Variants in FILIP1L observed in about 807,000 individuals in gnomAD.
The protein encoded by FILIP1L is filamin A interacting protein 1 like.
In FILIP1L, 55 loss-of-function variants were observed where a neutral mutation model predicts 96.6. The ratio of observed to expected loss-of-function variants is 0.57; its 90% CI spans 0.46 to 0.71. The LOEUF (loss-of-function observed/expected upper bound fraction) is 0.71, where lower values mean the gene tolerates loss of function less well. Ranked by LOEUF, FILIP1L falls within the 30% of genes least tolerant of loss-of-function variation. The pLI, the probability that FILIP1L is intolerant of heterozygous loss-of-function variation, is 0.00. For missense variants in FILIP1L, 1,304 were observed against 1,321.2 expected (o/e 0.99, Z 0.20); for synonymous variants, 467 against 473.9 (o/e 0.99, Z 0.19).
At chr3:99,895,144 T>C (rs1302338965) in intron 4 of FILIP1L, among the ~76,000 whole-genome samples, 2 of 152,060 alleles carry the variant, frequency 1.3e-5, no homozygotes, top group Non-Finnish European at 2.9e-5. Context: ...ACTCAGGTGT[T>C]CATAACCCAG....
intron 1 of FILIP1L, among the ~76,000 whole-genome samples, chr3:99,933,786 C>T (rs946536880): frequency 1.3e-5 from 2 of 152,148 alleles, no homozygotes; most frequent in African/African-American, 2.4e-5. Context: ...TCTCACATGG[C>T]GTATCTGACC....
At chr3:100,039,306 T>A (rs1013825562) in intron 1 of FILIP1L, among the ~76,000 whole-genome samples, 1 of 152,164 alleles carries the variant, frequency 6.6e-6, no homozygotes, top group East Asian at 1.9e-4. Context: ...TAGTACAGCC[T>A]ATGAAGTACA....
chr3:100,013,161 G>A (rs368850249), intron 1 of FILIP1L, among the ~76,000 whole-genome samples: 1 of 152,016 alleles, frequency 6.6e-6, no homozygotes, highest in East Asian at 1.9e-4. Flanking sequence ...GTTGGCATGA[G>A]CTACCATGCC....
intron 1 of FILIP1L, among the ~76,000 whole-genome samples, chr3:100,099,865 T>TAAC (rs1343553921): frequency 6.6e-6 from 1 of 152,068 alleles, no homozygotes; most frequent in African/African-American, 2.4e-5. Context: ...ATTCCAGGTG[T>TAAC]GGTTATGGAA....
chr3:99,918,544 C>T (rs1479065735), intron 4 of FILIP1L, among the ~76,000 whole-genome samples: 2 of 152,142 alleles, frequency 1.3e-5, no homozygotes, highest in African/African-American at 4.8e-5. Flanking sequence ...GAAAAGCAAT[C>T]AGGTAGCATT....
chr3:100,090,502 C>T (rs530963230), intron 1 of FILIP1L, among the ~76,000 whole-genome samples: 10 of 152,264 alleles, frequency 6.6e-5, no homozygotes, highest in South Asian at 4.1e-4. Context: ...CAAAACCAGG[C>T]GACAGAGATG....
intron 1 of FILIP1L, among the ~76,000 whole-genome samples, chr3:100,049,197 C>G (rs912030239): frequency 6.6e-6 from 1 of 152,186 alleles, no homozygotes; most frequent in Non-Finnish European, 1.5e-5. Flanking sequence ...CATATCTTCT[C>G]TACATTATAG....
intron 1 of FILIP1L, among the ~76,000 whole-genome samples, chr3:100,022,485 T>C (rs1452826277): frequency 6.6e-6 from 1 of 152,238 alleles, no homozygotes; most frequent in Non-Finnish European, 1.5e-5. Flanking sequence ...GAAACAGCAT[T>C]GAGCATGATT....
chr3:100,061,991 CTT>C (rs1331523261), intron 1 of FILIP1L, among the ~76,000 whole-genome samples: 1 of 149,832 alleles, frequency 6.7e-6, no homozygotes, highest in Non-Finnish European at 1.5e-5. Context: ...TCTCCACAAA[CTT>C]TTTCATCTTC....
chr3:100,018,735 CA>C (rs61527233), intron 1 of FILIP1L, among the ~76,000 whole-genome samples: 105,875 of 120,214 alleles, frequency 0.88, 46,217 homozygotes, highest in East Asian at 0.97. Flanking sequence ...TTCCGCATAG[CA>C]AAAAAAAAAA....
Position 99,897,843 on chromosome 3 carries a change from A to G in FILIP1L, c.605+26387T>C, listed in dbSNP as rs78329289. Among the ~76,000 whole-genome samples, 687 of 152,316 alleles carry G rather than the reference A, an allele frequency of 4.5e-3. 7 individuals are homozygous for G. The highest frequency in any genetic ancestry group is 0.016 in the African/African-American group (673 of 41,568). ...ACAGAGAATCTCCTATAGTGTGTCA[A>G]AGCTTTCTGCTGAAATATATGTGGT... On this transcript the variant is annotated intron_variant, in intron 4 of 5. Transcript: ENST00000477258.
chr3:100,006,982 T>G (rs1305477234), intron 1 of FILIP1L, among the ~76,000 whole-genome samples: 1 of 152,228 alleles, frequency 6.6e-6, no homozygotes, highest in Non-Finnish European at 1.5e-5. Flanking sequence ...TGTCCAAAAC[T>G]TGAGCATATT....
intron 1 of FILIP1L, among the ~76,000 whole-genome samples, chr3:99,957,868 A>G (rs1708379334): frequency 6.6e-6 from 1 of 150,464 alleles, no homozygotes; most frequent in Non-Finnish European, 1.5e-5. Flanking sequence ...TAGGCCTAAT[A>G]ACAGCTGAAA....
chr3:99,932,711 G>A (rs1026733245), intron 1 of FILIP1L, among the ~76,000 whole-genome samples: 14 of 152,082 alleles, frequency 9.2e-5, no homozygotes, highest in South Asian at 2.1e-4. Context: ...CCAACATGGC[G>A]AAACCCCATC....
intron 5 of FILIP1L, among the ~76,000 whole-genome samples, chr3:99,847,162 T>C (rs1249114524): frequency 1.3e-5 from 2 of 152,134 alleles, no homozygotes; most frequent in African/African-American, 4.8e-5. Flanking sequence ...TTCTATAGCT[T>C]ATGTTCATAA....
intron 1 of FILIP1L, among the ~76,000 whole-genome samples, chr3:99,996,277 TAAC>T (rs1467978050): frequency 6.6e-6 from 1 of 152,160 alleles, no homozygotes; most frequent in Non-Finnish European, 1.5e-5. Context: ...TGCTAAAACA[TAAC>T]AAGAGTCACC....
intron 4 of FILIP1L, among the ~76,000 whole-genome samples, chr3:99,869,258 G>T (rs1944668260): frequency 6.6e-6 from 1 of 152,114 alleles, no homozygotes; most frequent in Admixed American, 6.5e-5. Context: ...CTTTGCCTGT[G>T]ATTCTTTGCA....
chr3:99,975,273 C>T (rs570514249), intron 1 of FILIP1L, among the ~76,000 whole-genome samples: 4 of 152,256 alleles, frequency 2.6e-5, no homozygotes, highest in Non-Finnish European at 4.4e-5. Context: ...CCTTCTAGTT[C>T]GAGGAACTGT....
At chr3:99,847,399 G>C (rs143832095) in intron 5 of FILIP1L, among the ~76,000 whole-genome samples, 1 of 151,708 alleles carries the variant, frequency 6.6e-6, no homozygotes. Flanking sequence ...TGTCACAGTG[G>C]CTGGTTCCAG....
Sources: allele counts gnomAD v4.1 joint callset (sites outside exome capture counted in the v4.1 genomes callset), GRCh38; gene constraint gnomAD v4.1.1; transcripts MANE v1.5; gene names NCBI Gene and HGNC (gene_info 2026-07-23, HGNC 2026-07-21).